Variants in XKR3 observed in about 807,000 individuals in gnomAD.
XKR3 encodes XK-related protein 3.
A neutral mutation model predicts 40.3 loss-of-function variants in XKR3; 27 were observed. The observed-to-expected ratio is 0.67, with a 90% CI of 0.49 to 0.92. The LOEUF is 0.92. Ranked by LOEUF, XKR3 falls within the 40% of genes least tolerant of loss-of-function variation. The pLI, the probability that XKR3 is intolerant of heterozygous loss-of-function variation, is 0.00. For missense variants in XKR3, 472 were observed against 537.6 expected (o/e 0.88, Z 1.21); for synonymous variants, 193 against 195.4 (o/e 0.99, Z 0.10).
chr22:16,806,260 C>CA (rs59631397), intron 2 of XKR3, among the ~76,000 whole-genome samples: 2,240 of 131,944 alleles, frequency 0.017, 40 homozygotes, highest in African/African-American at 0.042. Flanking sequence ...TAGTTCATCT[C>CA]AAAAAAAAAA....
intron 1 of XKR3, among the ~76,000 whole-genome samples, chr22:16,824,648 T>C (rs1170600468): frequency 6.6e-6 from 1 of 152,068 alleles, no homozygotes; most frequent in Admixed American, 6.6e-5. Context: ...GAAAAATACA[T>C]CCAACATTAT....
intron 3 of XKR3, among the ~76,000 whole-genome samples, chr22:16,791,841 CTG>C (rs2060120577): frequency 1.4e-5 from 2 of 146,614 alleles, no homozygotes; most frequent in Non-Finnish European, 3.0e-5. Context: ...GAGACTGACT[CTG>C]AGACTAAAGG....
At chr22:16,823,121 C>T (rs1569045927) in intron 1 of XKR3, among the ~76,000 whole-genome samples, 1 of 152,154 alleles carries the variant, frequency 6.6e-6, no homozygotes, top group East Asian at 1.9e-4. Flanking sequence ...AAGTGATCCA[C>T]CTGCCTCAGC....
At chr22:16,815,162 T>A (rs558470658) in intron 1 of XKR3, among the ~76,000 whole-genome samples, 2 of 152,080 alleles carry the variant, frequency 1.3e-5, no homozygotes, top group Non-Finnish European at 2.9e-5. Flanking sequence ...GCTTTTATCG[T>A]AGAAAGGTGT....
rs1387464447 is a variant in XKR3, at chr22:16,807,802, T to C, written c.272A>G (p.Asp91Gly). ...TAATGCAGCCTTATTTCTCCTCAAG[T>C]CTTTGTTGAAAAACATCAGGATAAT... ...DQIILMFFNK[D>G]LRRNKAALLF... The change falls in exon 2 of 4, where the codon GAC becomes GGC. Residue 91 changes from aspartate to glycine, a missense_variant. Asp to Gly is a moderately conservative substitution (Grantham distance 94). Coordinates refer to ENST00000684488, the MANE Select transcript of XKR3 (RefSeq NM_001386955.1). 6 of 1,613,654 alleles carry C rather than the reference T, an allele frequency of 3.7e-6. No individual in the cohort carries two copies. The highest frequency in any genetic ancestry group is 5.1e-6 in the Non-Finnish European group (6 of 1,179,786).
intron 1 of XKR3, among the ~76,000 whole-genome samples, chr22:16,812,670 G>A (rs185142381): frequency 2.6e-5 from 4 of 152,182 alleles, no homozygotes; most frequent in African/African-American, 7.2e-5. Flanking sequence ...GTGTGAATCC[G>A]TCTAAAAAAT....
Position 16,784,262 on chromosome 22 carries a change from A to G in XKR3, c.737T>C (p.Val246Ala). 1 of 1,614,100 alleles carries G rather than the reference A, an allele frequency of 6.2e-7. No homozygotes were observed. The highest frequency in any genetic ancestry group is 1.1e-5 in the South Asian group (1 of 91,080). The part of the protein sequence containing the change: ...FCVVMWRFLE[V>A]ISRVVTLAFF... ...TGCCAGAGTCACTACACGTGAGATAACCTCCAAAAAACGCCACATCACGAC... is the reference window on the plus strand; with the variant it reads ...TGCCAGAGTCACTACACGTGAGATAGCCTCCAAAAAACGCCACATCACGAC... The change falls in exon 4 of 4, where the codon GTT becomes GCT. Residue 246 changes from valine (V) to alanine (A), a missense_variant. Transcript: ENST00000684488.
chr22:16,801,749 G>A (rs2060170143), intron 2 of XKR3, among the ~76,000 whole-genome samples: 1 of 148,614 alleles, frequency 6.7e-6, no homozygotes, highest in South Asian at 2.1e-4. Context: ...TATAAAATCA[G>A]AAGAAACATT....
In XKR3 at chr22:16,785,303, C is replaced by G. The variant is rs1438505599; in HGVS notation, c.590-894G>C. On this transcript the variant is annotated intron_variant, in intron 3 of 3. Coordinates refer to ENST00000684488, the MANE Select transcript of XKR3 (RefSeq NM_001386955.1). Reference sequence around the variant, plus strand: ...CTGCACTCCAGCCTGGGCGACAGAGCGAGACTCCATCTCAAAAAAACAAAC... The same window carrying G: ...CTGCACTCCAGCCTGGGCGACAGAGGGAGACTCCATCTCAAAAAAACAAAC... 3.6e-4 allele frequency among the ~76,000 whole-genome samples: 54 copies of G among 151,764 alleles called. 2 individuals carry two copies. The South Asian group carries it at 0.01, about 29-fold the overall frequency.
chr22:16,807,844 C>T lies in XKR3; in HGVS notation c.230G>A (p.Gly77Glu). The T allele has an allele frequency of 6.2e-7, 1 of 1,613,874 alleles. No individual in the cohort carries two copies. The highest frequency in any genetic ancestry group is 8.5e-7 in the Non-Finnish European group (1 of 1,179,874). The change falls in exon 2 of 4, where the codon GGG becomes GAG. Residue 77 changes from glycine to glutamate, a missense_variant. Coordinates refer to ENST00000684488, the MANE Select transcript of XKR3 (RefSeq NM_001386955.1). ...MSFTISFIIV[G>E]AILDQIILMF... ...CAGGATAATTTGATCCAAAATTGCC[C>T]CCACAATAATAAAGCTGATGGTAAA...
intron 1 of XKR3, among the ~76,000 whole-genome samples, chr22:16,815,137 C>G (rs544792199): frequency 1.3e-5 from 2 of 151,850 alleles, no homozygotes; most frequent in Non-Finnish European, 2.9e-5. Flanking sequence ...TCTTTCTATT[C>G]CCACCTAGTT....
At chr22:16,788,608 A>G (rs2060101213) in intron 3 of XKR3, among the ~76,000 whole-genome samples, 1 of 152,138 alleles carries the variant, frequency 6.6e-6, no homozygotes, top group Admixed American at 6.5e-5. Flanking sequence ...AATAAAAAAA[A>G]GAAGATATGT....
At chr22:16,806,260 C>CAAAA (rs59631397) in intron 2 of XKR3, among the ~76,000 whole-genome samples, 2 of 132,002 alleles carry the variant, frequency 1.5e-5, no homozygotes, top group Non-Finnish European at 3.2e-5. Context: ...TAGTTCATCT[C>CAAAA]AAAAAAAAAA....
chr22:16,812,062 A>G (rs1042234271), intron 1 of XKR3, among the ~76,000 whole-genome samples: 1 of 152,164 alleles, frequency 6.6e-6, no homozygotes, highest in Non-Finnish European at 1.5e-5. Flanking sequence ...AAAAAGGTTT[A>G]ATATTTAGGG....
chr22:16,817,108 A>G (rs543007279), intron 1 of XKR3, among the ~76,000 whole-genome samples: 1 of 152,164 alleles, frequency 6.6e-6, no homozygotes, highest in Admixed American at 6.5e-5. Context: ...TATACAAGAA[A>G]CAAAGAAACA....
At chr22:16,811,230 T>A (rs1379215387) in intron 1 of XKR3, among the ~76,000 whole-genome samples, 2 of 151,962 alleles carry the variant, frequency 1.3e-5, no homozygotes, top group Non-Finnish European at 2.9e-5. Flanking sequence ...TTCAGGCGAT[T>A]TCCTGCCTCA....
At chr22:16,803,776 G>A (rs2060178865) in intron 2 of XKR3, among the ~76,000 whole-genome samples, 1 of 152,132 alleles carries the variant, frequency 6.6e-6, no homozygotes, top group African/African-American at 2.4e-5. Flanking sequence ...AAAAAGGGGA[G>A]GCATGAATAA....
At chr22:16,798,569 A>C (rs2060152593) in intron 3 of XKR3, among the ~76,000 whole-genome samples, 1 of 152,194 alleles carries the variant, frequency 6.6e-6, no homozygotes, top group Admixed American at 6.5e-5. Flanking sequence ...CATGGGATCA[A>C]CTCAGGTGCC....
chr22:16,798,404 G>A (rs2060151917), intron 3 of XKR3, among the ~76,000 whole-genome samples: 1 of 152,162 alleles, frequency 6.6e-6, no homozygotes, highest in Admixed American at 6.5e-5. Context: ...ATTGTGGAAA[G>A]CACTCTGGAA....
Sources: allele counts gnomAD v4.1 joint callset (sites outside exome capture counted in the v4.1 genomes callset), GRCh38; gene constraint gnomAD v4.1.1; transcripts MANE v1.5; gene names NCBI Gene and HGNC (gene_info 2026-07-23, HGNC 2026-07-21).